The following ALPL variants were observed in gnomAD, a reference collection of about 807,000 sequenced individuals.
ALPL encodes the protein alkaline phosphatase, biomineralization associated, also known as alkaline phosphatase, tissue-nonspecific isozyme.
In ALPL, 42 loss-of-function variants were observed where a neutral mutation model predicts 51.3. The observed-to-expected ratio is 0.82, with a 90% CI of 0.64 to 1.06. ALPL has a LOEUF of 1.06. Among genes scored for constraint, ALPL ranks in the 50% least tolerant of loss-of-function variants. The pLI is 0.00. For synonymous variants in ALPL, 279 were observed against 296.4 expected (o/e 0.94, Z 0.60); for missense variants, 589 against 709.4 (o/e 0.83, Z 1.93).
At chr1:21,563,312 G>A (rs1250296325) in intron 5 of ALPL, 28 bp downstream of exon 5, 1 of 1,597,012 alleles carries the variant, frequency 6.3e-7, no homozygotes, top group Admixed American at 1.7e-5. Flanking sequence ...TGGGGAGCAG[G>A]GCCAGCTTCG....
At chr1:21,534,836 C>T (rs1410638762) in intron 1 of ALPL, among the ~76,000 whole-genome samples, 2 of 152,174 alleles carry the variant, frequency 1.3e-5, no homozygotes, top group African/African-American at 2.4e-5. Context: ...TTGGGAATCA[C>T]GTTCTGGCCT....
rs757564264 is a variant in ALPL at position 21,576,540 on chromosome 1, G to C, written c.1208G>C (p.Ser403Thr). The change falls in exon 11 of 12, where the codon AGT (serine) becomes ACT (threonine). Residue 403 changes from serine (S) to threonine (T), a missense_variant. Transcript: ENST00000374840. The part of the protein sequence containing the change: ...NSIFGLAPML[S>T]DTDKKPFTAI... ...TGTGCAGGTCTGGCCCCCATGCTGAGTGACACAGACAAGAAGCCCTTCACT... is the reference window on the plus strand; with the variant it reads ...TGTGCAGGTCTGGCCCCCATGCTGACTGACACAGACAAGAAGCCCTTCACT... The C allele has an allele frequency of 1.9e-6, 3 of 1,613,966 alleles. No homozygotes were observed. Among genetic ancestry groups the C allele is most frequent in the Non-Finnish European group, 2.5e-6 (3 of 1,179,934 alleles).
At chr1:21,566,948 C>A (rs1206699081) in intron 6 of ALPL, among the ~76,000 whole-genome samples, 1 of 152,146 alleles carries the variant, frequency 6.6e-6, no homozygotes, top group Non-Finnish European at 1.5e-5. Context: ...AGGTGGCAGG[C>A]CCTTGGTCAG....
rs948856017 is a variant in ALPL, at chr1:21,532,728, C to T, written c.-104-21250C>T. Among the ~76,000 whole-genome samples the T allele has an allele frequency of 7.2e-5, 11 of 152,248 alleles. No individual in the cohort carries two copies. In the East Asian group the frequency reaches 1.9e-3, roughly 27 times the overall value. On this transcript the variant is annotated intron_variant, in intron 1 of 11. Transcript: ENST00000374840. ...CACGGCTTCTGGACCTTGGCATGGG[C>T]TGTTCCAGCAGCTTAGACTTCCTTC...
rs116677409 is a variant in ALPL at position 21,565,448 on chromosome 1, C to T, written c.648+1232C>T. Among the ~76,000 whole-genome samples the T allele has an allele frequency of 5.0e-3, 766 of 152,232 alleles. 4 individuals are homozygous for T. The highest frequency in any genetic ancestry group is 0.015 in the African/African-American group (639 of 41,532). On this transcript the variant is annotated intron_variant, in intron 6 of 11. Coordinates refer to ENST00000374840, the MANE Select transcript of ALPL (RefSeq NM_000478.6). ...GCTTGCTCCCAGGGCCGTGGGAGGC[C>T]GTGATGAGGTCATGGATGTGAGAAC...
chr1:21,546,994 C>A (rs974110522), intron 1 of ALPL, among the ~76,000 whole-genome samples: 2 of 152,178 alleles, frequency 1.3e-5, no homozygotes, highest in Non-Finnish European at 2.9e-5. Flanking sequence ...ATGTTTTTGC[C>A]CCACAGGGCA....
In ALPL at chr1:21,576,747, C is replaced by T. The variant is rs1019023594; in HGVS notation, c.1309+106C>T. On this transcript the variant is annotated intron_variant, in intron 11 of 11. Transcript: ENST00000374840. ...GTCAAGGTCAGGGGTCTCAGAATGA[C>T]TGGGGCTTGAGTCCCAGTTTGATTG... The T allele has an allele frequency of 2.7e-6, 4 of 1,496,562 alleles. No homozygotes were observed. The African/African-American group carries it at 5.5e-5, about 21-fold the overall frequency. 92.7% of individuals were successfully genotyped at this position (1,496,562 alleles called of 1,614,324 possible). A position where few individuals can be genotyped will look rare whatever the true frequency, so the allele number is the denominator to read the frequency against.
At chr1:21,569,144 T>C (rs3767146) in intron 7 of ALPL, among the ~76,000 whole-genome samples, 11,802 of 152,102 alleles carry the variant, frequency 0.078, 473 homozygotes, top group Middle Eastern at 0.095. Context: ...GGTGGGGGTG[T>C]GGAACTGAGT....
intron 1 of ALPL, among the ~76,000 whole-genome samples, chr1:21,528,169 A>G (rs980907039): frequency 6.6e-6 from 1 of 151,096 alleles, no homozygotes; most frequent in African/African-American, 2.4e-5. Context: ...GCAGGTGCAC[A>G]ACACCACACC....
At chr1:21,567,250 C>A (rs951235467) in intron 6 of ALPL, among the ~76,000 whole-genome samples, 1 of 152,216 alleles carries the variant, frequency 6.6e-6, no homozygotes, top group African/African-American at 2.4e-5. Flanking sequence ...CTGGCACCCG[C>A]GGTGACAAGA....
chr1:21,560,647 A>G lies in ALPL; in HGVS notation c.83A>G (p.Tyr28Cys). Residue 28 changes from tyrosine (Y) to cysteine (C), a missense_variant, in exon 3 of 12, where the codon TAC becomes TGC. Coordinates refer to ENST00000374840, the MANE Select transcript of ALPL (RefSeq NM_000478.6). ...TTAGAGAAAGAGAAAGACCCCAAGTACTGGCGAGACCAAGCGCAAGAGACA... is the reference window on the plus strand; with the variant it reads ...TTAGAGAAAGAGAAAGACCCCAAGTGCTGGCGAGACCAAGCGCAAGAGACA... ...LVPEKEKDPK[Y>C]WRDQAQETLK... 6.2e-7 allele frequency: 1 copy of G among 1,614,162 alleles called. No individual in the cohort carries two copies. The highest frequency in any genetic ancestry group is 8.5e-7 in the Non-Finnish European group (1 of 1,180,028).
At chr1:21,534,967 T>G (rs1174275498) in intron 1 of ALPL, among the ~76,000 whole-genome samples, 1 of 152,202 alleles carries the variant, frequency 6.6e-6, no homozygotes, top group Non-Finnish European at 1.5e-5. Flanking sequence ...CCGCTGTACT[T>G]ACCGCCACCT....
chr1:21,530,608 G>A (rs1208516263), intron 1 of ALPL, among the ~76,000 whole-genome samples: 1 of 151,956 alleles, frequency 6.6e-6, no homozygotes, highest in East Asian at 1.9e-4. Context: ...CTCTCTTTCA[G>A]ACCCCAGGGA....
intron 1 of ALPL, among the ~76,000 whole-genome samples, chr1:21,549,388 T>C (rs1644291527): frequency 6.6e-6 from 1 of 152,098 alleles, no homozygotes; most frequent in Non-Finnish European, 1.5e-5. Flanking sequence ...CAACTCAACA[T>C]ATCCAAAAAC....
intron 1 of ALPL, among the ~76,000 whole-genome samples, chr1:21,519,214 C>T (rs573619852): frequency 6.6e-4 from 100 of 152,334 alleles, no homozygotes; most frequent in Middle Eastern, 3.4e-3. Context: ...AAACCTGCCT[C>T]TCCCTTGGGA....
intron 1 of ALPL, among the ~76,000 whole-genome samples, chr1:21,546,877 T>C (rs956505458): frequency 6.6e-6 from 1 of 152,256 alleles, no homozygotes; most frequent in African/African-American, 2.4e-5. Flanking sequence ...TGCATCCCTC[T>C]GGCTGGGGTA....
In ALPL at chr1:21,576,024, G is replaced by A. The variant is rs574858338; in HGVS notation, c.1189+100G>A. 5 of 1,399,818 alleles carry A rather than the reference G, an allele frequency of 3.6e-6. No homozygotes were observed. The East Asian group carries it at 6.9e-5, about 19-fold the overall frequency. 86.7% of individuals were successfully genotyped at this position (1,399,818 alleles called of 1,614,324 possible). On this transcript the variant is annotated intron_variant, in intron 10 of 11. Coordinates refer to ENST00000374840, the MANE Select transcript of ALPL (RefSeq NM_000478.6). ...GAGCCAGCAAGCCCAGAGCATGGTG[G>A]GGACTCAATGACAACTGGGTGGGGA...
At chr1:21,537,831 G>A (rs1469267801) in intron 1 of ALPL, among the ~76,000 whole-genome samples, 1 of 152,194 alleles carries the variant, frequency 6.6e-6, no homozygotes, top group Non-Finnish European at 1.5e-5. Context: ...CTGAGCCGGA[G>A]CTGATCATTT....
intron 1 of ALPL, among the ~76,000 whole-genome samples, chr1:21,510,306 C>G (rs1643659282): frequency 6.6e-6 from 1 of 152,162 alleles, no homozygotes; most frequent in Non-Finnish European, 1.5e-5. Flanking sequence ...CCTTATGACT[C>G]TTTTTCAACA....
Sources: gnomAD v4.1 joint callset for allele counts (sites outside exome capture counted in the v4.1 genomes callset) on GRCh38, gnomAD v4.1.1 for gene constraint, MANE v1.5 for transcripts, NCBI Gene and HGNC (gene_info 2026-07-23, HGNC 2026-07-21) for gene names.